The following KIAA1671 variants were observed in gnomAD, a reference collection of about 807,000 sequenced individuals.
The protein encoded by KIAA1671 is uncharacterized protein KIAA1671.
In KIAA1671, 52 loss-of-function variants were observed where a neutral mutation model predicts 131.2. The observed-to-expected ratio is 0.40, with a 90% confidence interval of 0.32 to 0.50. The LOEUF is 0.50. Among genes scored for constraint, KIAA1671 ranks in the 20% least tolerant of loss-of-function variants. The pLI is 0.73. For synonymous variants in KIAA1671, 1,003 were observed against 961.6 expected (o/e 1.04, Z -0.80); for missense variants, 2,360 against 2,364.2 (o/e 1.00, Z 0.04).
intron 1 of KIAA1671, among the ~76,000 whole-genome samples, chr22:24,968,963 A>G (rs1416387794): frequency 6.6e-6 from 1 of 152,158 alleles, no homozygotes; most frequent in Non-Finnish European, 1.5e-5. Context: ...GCAGTGGTGC[A>G]GTCATGGCTC....
chr22:25,103,212 CT>C lies in KIAA1671; in HGVS notation c.4530+53863del, dbSNP rs10631725. 3.5e-3 allele frequency among the ~76,000 whole-genome samples: 495 copies of C among 140,304 alleles called. 2 individuals carry two copies. Among genetic ancestry groups the C allele is most frequent in the African/African-American group, 0.011 (416 of 37,872 alleles). The allele number at this position is 140,304 out of a possible 152,430, so 92.0% of individuals were successfully genotyped here. ...CTTGGGCAAGTCCCCCCCCAACCGC[CT>C]TTTTTTTTTTTTTTGAGAACGGCGT... On this transcript the variant is annotated intron_variant, in intron 6 of 12. Transcript: ENST00000358431.
chr22:25,029,224 AG>A lies in KIAA1671; in HGVS notation c.1229del (p.Gly410AlafsTer2). The A allele has an allele frequency of 6.8e-7, 1 of 1,461,774 alleles. No homozygotes were observed. The highest frequency in any genetic ancestry group is 9.1e-7 in the Non-Finnish European group (1 of 1,103,222). The allele number at this position is 1,461,774 out of a possible 1,614,324, so 90.6% of individuals were successfully genotyped here. ...TGAGTCCCCCTCACCCAGGCTGGGAAGGGGCCTAGAACTTGCTGAGGTTAAG... is the reference window on the plus strand; with the variant it reads ...TGAGTCCCCCTCACCCAGGCTGGGAAGGGCCTAGAACTTGCTGAGGTTAAG... ...AAESPSPRLGRGLELAEVKSR... is the reference protein window; with the variant it reads ...AAESPSPRLGXGLELAEVKSR... On this transcript the variant is annotated frameshift_variant, in exon 3 of 13. Coordinates refer to ENST00000358431, the MANE Select transcript of KIAA1671 (RefSeq NM_001145206.2). LOFTEE classifies it high-confidence loss of function.
intron 12 of KIAA1671, among the ~76,000 whole-genome samples, chr22:25,191,669 A>G (rs547441514): frequency 2.4e-4 from 36 of 152,296 alleles, no homozygotes; most frequent in Non-Finnish European, 4.9e-4. Flanking sequence ...CTGAGAATGC[A>G]CCTGTGGTGC....
chr22:25,120,184 C>T (rs1336313503), intron 6 of KIAA1671, among the ~76,000 whole-genome samples: 4 of 152,332 alleles, frequency 2.6e-5, no homozygotes, highest in Non-Finnish European at 4.4e-5. Flanking sequence ...CAACTGCCAC[C>T]TGCTACGTCA....
At position 25,088,832 on chromosome 22, in the gene KIAA1671, G is replaced by A. The variant is rs531411208; in HGVS notation, c.4530+39468G>A. On this transcript the variant is annotated intron_variant, in intron 6 of 12. Transcript: ENST00000358431. ...ATATTCTCTGCGTACATAAGACAAT[G>A]TCTGTGCCTATATCTGCGTCTGTAC... 2.6e-5 allele frequency among the ~76,000 whole-genome samples: 4 copies of A among 152,150 alleles called. No homozygotes were observed. The East Asian group carries it at 7.7e-4, about 29-fold the overall frequency.
intron 11 of KIAA1671, among the ~76,000 whole-genome samples, chr22:25,186,658 T>C (rs1054558166): frequency 1.3e-5 from 2 of 152,184 alleles, no homozygotes; most frequent in East Asian, 3.9e-4. Flanking sequence ...TGGTGGACAA[T>C]TGGGTCTTAG....
chr22:25,044,635 TAA>T (rs34811266), intron 5 of KIAA1671, among the ~76,000 whole-genome samples: 13 of 150,438 alleles, frequency 8.6e-5, no homozygotes, highest in African/African-American at 2.2e-4. Context: ...TCTTTGATCT[TAA>T]AAAAAAAAAT....
At chr22:25,068,816 A>T (rs937896836) in intron 6 of KIAA1671, among the ~76,000 whole-genome samples, 3 of 152,172 alleles carry the variant, frequency 2.0e-5, no homozygotes, top group Non-Finnish European at 2.9e-5. Context: ...TGCAGCACAG[A>T]TGGGCCCAGG....
intron 1 of KIAA1671, among the ~76,000 whole-genome samples, chr22:24,974,354 G>A (rs948250197): frequency 2.1e-4 from 32 of 152,086 alleles, no homozygotes; most frequent in African/African-American, 2.4e-5. Context: ...GACATGCCAG[G>A]TACTGTGTTA....
intron 6 of KIAA1671, among the ~76,000 whole-genome samples, chr22:25,084,092 G>A (rs1851308940): frequency 6.6e-6 from 1 of 152,252 alleles, no homozygotes; most frequent in African/African-American, 2.4e-5. Context: ...TAACTGATGG[G>A]AGTGGCAGCC....
chr22:24,982,294 A>C (rs1429100259), intron 1 of KIAA1671, among the ~76,000 whole-genome samples: 1 of 152,236 alleles, frequency 6.6e-6, no homozygotes, highest in East Asian at 1.9e-4. Context: ...CCCACTAAAT[A>C]AATGCCGCTT....
intron 1 of KIAA1671, among the ~76,000 whole-genome samples, chr22:25,002,582 A>G (rs1463154813): frequency 6.6e-6 from 1 of 152,080 alleles, no homozygotes; most frequent in African/African-American, 2.4e-5. Context: ...AAAACTGCAG[A>G]TGTCCTCAGG....
chr22:24,997,725 A>G (rs562686352), intron 1 of KIAA1671, among the ~76,000 whole-genome samples: 21 of 152,282 alleles, frequency 1.4e-4, no homozygotes, highest in African/African-American at 4.3e-4. Flanking sequence ...TGCCTCCTTA[A>G]GCATAACATA....
intron 6 of KIAA1671, among the ~76,000 whole-genome samples, chr22:25,154,002 G>A (rs918664128): frequency 3.9e-5 from 6 of 152,164 alleles, no homozygotes; most frequent in African/African-American, 9.7e-5. Flanking sequence ...TCTTTTCTTC[G>A]CTGCTTCAGG....
intron 6 of KIAA1671, among the ~76,000 whole-genome samples, chr22:25,071,334 C>T (rs1303436309): frequency 1.3e-5 from 2 of 152,162 alleles, no homozygotes; most frequent in Non-Finnish European, 2.9e-5. Context: ...TTCCAGCGCT[C>T]CTAAAAATAC....
intron 1 of KIAA1671, among the ~76,000 whole-genome samples, chr22:25,005,628 G>A (rs1254606138): frequency 6.6e-6 from 1 of 152,176 alleles, no homozygotes; most frequent in Non-Finnish European, 1.5e-5. Flanking sequence ...TACCTGCCTC[G>A]TGGTAGTGTC....
intron 6 of KIAA1671, among the ~76,000 whole-genome samples, chr22:25,093,744 C>CTCTCTG (rs1930174434): frequency 9.5e-6 from 1 of 104,962 alleles, no homozygotes; most frequent in Admixed American, 9.0e-5. Context: ...CACACTCTCT[C>CTCTCTG]TCTCTCTCTC....
chr22:25,153,825 C>T (rs1299279096), intron 6 of KIAA1671, among the ~76,000 whole-genome samples: 1 of 152,204 alleles, frequency 6.6e-6, no homozygotes, highest in African/African-American at 2.4e-5. Context: ...CAGAGAAGTG[C>T]AGTCCCTGCC....
At chr22:24,976,218 G>A (rs1388626066) in intron 1 of KIAA1671, among the ~76,000 whole-genome samples, 1 of 152,236 alleles carries the variant, frequency 6.6e-6, no homozygotes, top group African/African-American at 2.4e-5. Flanking sequence ...TATGGAGCAA[G>A]ACAGCAGAAC....
Sources: gnomAD v4.1 joint callset for allele counts (sites outside exome capture counted in the v4.1 genomes callset) on GRCh38, gnomAD v4.1.1 for gene constraint, MANE v1.5 for transcripts, NCBI Gene and HGNC (gene_info 2026-07-23, HGNC 2026-07-21) for gene names.